Variants in TLN2 observed in about 807,000 individuals in gnomAD.
TLN2 encodes the protein talin-2.
In TLN2, 118 loss-of-function variants were observed where a neutral mutation model predicts 294.7. The ratio of observed to expected loss-of-function variants is 0.40; its 90% CI spans 0.34 to 0.47. TLN2 has a LOEUF of 0.47. TLN2 is among the 20% of genes least tolerant of loss of function. The pLI, the probability that TLN2 is intolerant of heterozygous loss-of-function variation, is 0.84. For synonymous variants in TLN2, 1,431 were observed against 1,304.5 expected, an observed-to-expected ratio of 1.10 and a Z score of -2.09; for missense variants, 3,083 against 3,282.2, an observed-to-expected ratio of 0.94 and a Z score of 1.48.
At chr15:62,472,099 T>C (rs1474692776) in intron 1 of TLN2, among the ~76,000 whole-genome samples, 3 of 152,110 alleles carry the variant, frequency 2.0e-5, no homozygotes, top group Non-Finnish European at 4.4e-5. Context: ...TTCCCACCTT[T>C]CCCATGCACC....
At chr15:62,833,998 T>C (rs2069171555) in intron 55 of TLN2, 1 of 162,830 alleles carries the variant, frequency 6.1e-6, no homozygotes, top group South Asian at 2.0e-4. Context: ...TGATACCACT[T>C]TCCAGCTCCA....
intron 28 of TLN2, among the ~76,000 whole-genome samples, chr15:62,730,205 C>G (rs1471531832): frequency 6.6e-6 from 1 of 151,962 alleles, no homozygotes; most frequent in South Asian, 2.1e-4. Context: ...CCACACCCAG[C>G]TAATTTTTGT....
intron 3 of TLN2, among the ~76,000 whole-genome samples, chr15:62,631,178 G>GTC (rs930230289): frequency 2.0e-5 from 3 of 151,930 alleles, no homozygotes; most frequent in African/African-American, 4.8e-5. Flanking sequence ...CCAGGTTGCA[G>GTC]TCTCTCTCTC....
At chr15:62,809,214 C>T (rs1275325406) in intron 51 of TLN2, among the ~76,000 whole-genome samples, 2 of 152,112 alleles carry the variant, frequency 1.3e-5, no homozygotes, top group Non-Finnish European at 2.9e-5. Context: ...TGCATTTTAT[C>T]TGGTGACTCT....
At chr15:62,739,645 G>C (rs763657753) in intron 31 of TLN2, 100 bp downstream of exon 31, 7 of 1,405,670 alleles carry the variant, frequency 5.0e-6, no homozygotes, top group Non-Finnish European at 6.8e-6. Flanking sequence ...AAGGAACCTG[G>C]AAACAGGCAG....
At chr15:62,745,525 A>G (rs1220162107) in intron 32 of TLN2, among the ~76,000 whole-genome samples, 2 of 152,126 alleles carry the variant, frequency 1.3e-5, no homozygotes, top group Admixed American at 1.3e-4. Flanking sequence ...TCGTTCTATC[A>G]TTTTCTATGC....
At chr15:62,662,204 T>C (rs1486618248) in intron 9 of TLN2, among the ~76,000 whole-genome samples, 2 of 150,834 alleles carry the variant, frequency 1.3e-5, no homozygotes, top group Non-Finnish European at 1.5e-5. Context: ...AAAGGCAAAA[T>C]AAGGTTAAGG....
chr15:62,573,093 C>G (rs1041839828), intron 1 of TLN2, among the ~76,000 whole-genome samples: 22 of 152,344 alleles, frequency 1.4e-4, no homozygotes, highest in African/African-American at 5.3e-4. Flanking sequence ...AAAAGCCTTC[C>G]CTTCCAATCA....
intron 52 of TLN2, among the ~76,000 whole-genome samples, chr15:62,814,792 GTC>G (rs1470232144): frequency 2.0e-5 from 3 of 152,184 alleles, no homozygotes; most frequent in African/African-American, 7.2e-5. Context: ...ATTGTCTTAG[GTC>G]TGCTGCCAAA....
chr15:62,489,366 C>A (rs1231850559), intron 1 of TLN2, among the ~76,000 whole-genome samples: 2 of 152,160 alleles, frequency 1.3e-5, no homozygotes, highest in Non-Finnish European at 2.9e-5. Flanking sequence ...GCACATGTGT[C>A]CCAAATAATT....
In TLN2 at chr15:62,549,480, GCATCCATCCATCCATCCATC is replaced by G. The variant is rs58665636; in HGVS notation, c.-237-40184_-237-40165del. On this transcript the variant is annotated intron_variant, in intron 1 of 58. Coordinates refer to ENST00000636159, the MANE Select transcript of TLN2 (RefSeq NM_015059.3). ...CTCAGAGGCCTGCCATGCATGCCAT[GCATCCATCCATCCATCCATC>G]CATCCATCCATCCATCCATCCAGTG... Among the ~76,000 whole-genome samples, 338 of 147,864 alleles carry G rather than the reference GCATCCATCCATCCATCCATC, an allele frequency of 2.3e-3. 4 individuals carry two copies. Among genetic ancestry groups the G allele is most frequent in the African/African-American group, 7.6e-3 (302 of 39,710 alleles).
At position 62,766,336 on chromosome 15, in the gene TLN2, C is replaced by T. The variant is rs764063709; in HGVS notation, c.5110C>T (p.Leu1704=). Residue 1704 remains leucine, a synonymous_variant, in exon 41 of 59, where the codon CTG becomes TTG. Transcript: ENST00000636159. ...DISVEALQEQ[L]TSVVQEIGHL... ...TCCTTATCAGGCCCTGCAGGAGCAGCTGACTTCGGTGGTCCAGGAAATCGG... is the reference window on the plus strand; with the variant it reads ...TCCTTATCAGGCCCTGCAGGAGCAGTTGACTTCGGTGGTCCAGGAAATCGG... 6.2e-7 allele frequency: 1 copy of T among 1,612,858 alleles called. No homozygotes were observed. The highest frequency in any genetic ancestry group is 2.2e-5 in the East Asian group (1 of 44,830).
At chr15:62,721,692 G>T (rs1285467321) in intron 25 of TLN2, among the ~76,000 whole-genome samples, 1 of 152,162 alleles carries the variant, frequency 6.6e-6, no homozygotes, top group African/African-American at 2.4e-5. Flanking sequence ...TATGTACAGA[G>T]TTAGCTGTAG....
intron 1 of TLN2, among the ~76,000 whole-genome samples, chr15:62,458,925 A>G (rs1323721137): frequency 2.6e-5 from 4 of 152,110 alleles, no homozygotes; most frequent in African/African-American, 2.4e-5. Context: ...AGGGGAGGCT[A>G]TTAGTGGCTA....
At chr15:62,512,206 G>C (rs1172816965) in intron 1 of TLN2, among the ~76,000 whole-genome samples, 2 of 152,066 alleles carry the variant, frequency 1.3e-5, no homozygotes, top group Non-Finnish European at 2.9e-5. Context: ...CTTTTTGTGT[G>C]GTTTGGATCT....
chr15:62,658,623 G>A (rs1361462902), intron 9 of TLN2, among the ~76,000 whole-genome samples: 1 of 152,152 alleles, frequency 6.6e-6, no homozygotes, highest in Non-Finnish European at 1.5e-5. Flanking sequence ...GCTGAGGACG[G>A]CTCTGAGCAG....
At position 62,701,136 on chromosome 15, in the gene TLN2, G is replaced by A. The variant is rs780454196; in HGVS notation, c.1618G>A (p.Asp540Asn). The change falls in exon 17 of 59, where the codon GAC becomes AAC. Residue 540 changes from aspartate (D) to asparagine (N), a missense_variant. Physicochemically the swap from Asp to Asn is conservative, Grantham distance 23. Transcript: ENST00000636159. ...TAGGGTATGGGTTCAGAACAAAGTC[G>A]ACGAATCCAAACACGAAATCCATTC... Reference protein sequence around the residue: ...ASRVWVQNKVDESKHEIHSQV... With the variant: ...ASRVWVQNKVNESKHEIHSQV... The A allele has an allele frequency of 1.9e-6, 3 of 1,614,078 alleles. No homozygotes were observed. Among genetic ancestry groups the A allele is most frequent in the East Asian group, 2.2e-5 (1 of 44,876 alleles).
intron 1 of TLN2, among the ~76,000 whole-genome samples, chr15:62,486,836 G>A (rs1368810014): frequency 6.7e-6 from 1 of 149,042 alleles, no homozygotes; most frequent in Non-Finnish European, 1.5e-5. Flanking sequence ...AATGTATATT[G>A]GATTTTCCTA....
chr15:62,509,098 A>T (rs2039791765), intron 1 of TLN2, among the ~76,000 whole-genome samples: 1 of 152,232 alleles, frequency 6.6e-6, no homozygotes, highest in Non-Finnish European at 1.5e-5. Context: ...AGGATCCCAT[A>T]AGCCAGGGGT....
Sources: allele counts gnomAD v4.1 joint callset (sites outside exome capture counted in the v4.1 genomes callset), GRCh38; gene constraint gnomAD v4.1.1; transcripts MANE v1.5; gene names NCBI Gene and HGNC (gene_info 2026-07-23, HGNC 2026-07-21).